The following JAG1 variants were observed in gnomAD, a reference collection of about 807,000 sequenced individuals.
JAG1 encodes jagged canonical Notch ligand 1.
Under a neutral mutation model 148.7 loss-of-function variants are expected in JAG1, and 23 were observed. The observed-to-expected ratio is 0.15, with a 90% CI of 0.11 to 0.22. The LOEUF (loss-of-function observed/expected upper bound fraction) is 0.22. Among genes scored for constraint, JAG1 ranks in the 10% least tolerant of loss-of-function variants. JAG1 has a pLI of 1.00. For synonymous variants in JAG1, 572 were observed against 598.3 expected, an observed-to-expected ratio of 0.96 and a Z score of 0.64; for missense variants, 1,054 against 1,611.2, an observed-to-expected ratio of 0.65 and a Z score of 5.92.
rs763644456 is a variant in JAG1, at chr20:10,648,752, CA to C, written c.1396-31del. On this transcript the variant is annotated intron_variant, in intron 11 of 25. Coordinates refer to ENST00000254958, the MANE Select transcript of JAG1 (RefSeq NM_000214.3). ...AAGAGGAGAAGGGGAGAGAGAGACA[CA>C]TGCTTTTTTTCTATGTATTCCACAA... The C allele has an allele frequency of 2.5e-6, 4 of 1,606,416 alleles. No homozygotes were observed. The South Asian group carries it at 4.4e-5, about 18-fold the overall frequency.
chr20:10,660,932 C>G (rs944482860), intron 3 of JAG1, among the ~76,000 whole-genome samples: 1 of 152,216 alleles, frequency 6.6e-6, no homozygotes, highest in South Asian at 2.1e-4. Context: ...AAGGGCGAGT[C>G]TGAGCATAAC....
intron 3 of JAG1, among the ~76,000 whole-genome samples, chr20:10,661,228 TG>T (rs1165624321): frequency 4.6e-5 from 7 of 152,088 alleles, no homozygotes; most frequent in Non-Finnish European, 1.5e-5. Context: ...AGTCTGCCTG[TG>T]AGGGCTCACT....
chr20:10,644,588 T>TG, intron 18 of JAG1: 1 of 661,174 alleles, frequency 1.5e-6, no homozygotes, highest in Non-Finnish European at 2.7e-6. Context: ...GAAGAGGCCC[T>TG]GGTAGGGGAT....
rs2067509586 is a variant in JAG1, at chr20:10,673,124, AT to A, written c.82-119del. 1.0e-6 allele frequency: 1 copy of A among 973,292 alleles called. No homozygotes were observed. Among genetic ancestry groups the A allele is most frequent in the Non-Finnish European group, 1.6e-6 (1 of 633,010 alleles). The allele number at this position is 973,292 out of a possible 1,614,324, so 60.3% of individuals were successfully genotyped here. ...GAGCCCTCCTCGCCGAGTGAAAATA[AT>A]TTTGCGAAACTACGTTCAAGGACTC... On this transcript the variant is annotated intron_variant, in intron 1 of 25. Transcript: ENST00000254958. The surrounding 1 kb of genome is among the most constrained non-coding windows in gnomAD (Gnocchi z 4.7).
At position 10,639,273 on chromosome 20, in the gene JAG1, C is replaced by G. The variant is rs1039951351; in HGVS notation, c.*225G>C. 1.7e-6 allele frequency: 1 copy of G among 601,694 alleles called. No homozygotes were observed. The highest frequency in any genetic ancestry group is 3.0e-6 in the Non-Finnish European group (1 of 328,368). The allele number at this position is 601,694 out of a possible 1,614,324, so 37.3% of individuals were successfully genotyped here. On this transcript the variant is annotated 3_prime_UTR_variant, in exon 26 of 26. Coordinates refer to ENST00000254958, the MANE Select transcript of JAG1 (RefSeq NM_000214.3). ...ACCGTGTCGGCTGCAAGGGGACACA[C>G]AACCAGGGTACTGTTGACTAGCTTT...
Position 10,641,519 on chromosome 20 carries a change from A to G in JAG1, c.2857T>C (p.Tyr953His), listed in dbSNP as rs746569582. 1.1e-5 allele frequency: 17 copies of G among 1,614,092 alleles called. No individual in the cohort carries two copies. The highest frequency in any genetic ancestry group is 8.5e-7 in the Non-Finnish European group (1 of 1,180,044). The change falls in exon 23 of 26, where the codon TAT becomes CAT. Residue 953 changes from tyrosine to histidine, a missense_variant. By Grantham distance (83) the Tyr-to-His change is moderately conservative. This residue lies in a region of JAG1 where 342 missense variants were observed against 514.6 expected (regional missense o/e 0.66). Transcript: ENST00000254958. ...PVKTKCTSDSYYQDNCANITF... is the reference protein window; with the variant it reads ...PVKTKCTSDSHYQDNCANITF... The stretch of plus-strand genomic sequence containing the variant: ...ATGTTCGCACAGTTATCCTGGTAAT[A>G]GGAGTCAGAGGTGCACTTTGTCTTC...
intron 23 of JAG1, 44 bp downstream of exon 23, chr20:10,641,416 G>A (rs898073243): frequency 2.6e-6 from 4 of 1,550,868 alleles, no homozygotes; most frequent in Non-Finnish European, 3.5e-6. Context: ...AAGCAAGCAA[G>A]CAGACATCCA....
chr20:10,639,554 C>G lies in JAG1; in HGVS notation c.3601G>C (p.Asp1201His). 1 of 1,614,176 alleles carries G rather than the reference C, an allele frequency of 6.2e-7. No homozygotes were observed. Reference sequence around the variant, plus strand: ...TGGGCACTTTCCAAGTCTCTGTTGTCCTGTTTGTTTGTCCAGTTTGGGTGT... The same window carrying G: ...TGGGCACTTTCCAAGTCTCTGTTGTGCTGTTTGTTTGTCCAGTTTGGGTGT... ...TKHPNWTNKQ[D>H]NRDLESAQSL... The change falls in exon 26 of 26, where the codon GAC becomes CAC. Residue 1201 changes from aspartate to histidine, a missense_variant. Asp to His is a moderately conservative substitution (Grantham distance 81, BLOSUM62 -1). This residue lies in a region of JAG1 where 177 missense variants were observed against 177.3 expected (regional missense o/e 1.00). Coordinates refer to ENST00000254958, the MANE Select transcript of JAG1 (RefSeq NM_000214.3).
chr20:10,651,996 G>C, intron 7 of JAG1, 135 bp downstream of exon 7: 1 of 1,027,368 alleles, frequency 9.7e-7, no homozygotes, highest in Non-Finnish European at 1.5e-6. Context: ...AAGGCTTATA[G>C]AATGGTTGGG....
At position 10,649,550 on chromosome 20, in the gene JAG1, G is replaced by C; in HGVS notation, c.1320C>G (p.Pro440=). The C allele has an allele frequency of 6.2e-7, 1 of 1,612,396 alleles. No homozygotes were observed. Among genetic ancestry groups the C allele is most frequent in the Non-Finnish European group, 8.5e-7 (1 of 1,178,432 alleles). ...TGTCACAATTCTGACCCATCCAGCCGGGAAGACAGTCGCAGTAGTAGCTGG... is the reference window on the plus strand; with the variant it reads ...TGTCACAATTCTGACCCATCCAGCCCGGAAGACAGTCGCAGTAGTAGCTGG... The part of the protein sequence containing the change: ...LIASYYCDCL[P]GWMGQNCDIN... The change falls in exon 10 of 26, where the codon CCC becomes CCG. Residue 440 remains proline, a synonymous_variant. Coordinates refer to ENST00000254958, the MANE Select transcript of JAG1 (RefSeq NM_000214.3).
Position 10,641,093 on chromosome 20 carries a change from T to C in JAG1, c.3048+20A>G, listed in dbSNP as rs924322585. 2.5e-6 allele frequency: 4 copies of C among 1,613,982 alleles called. No individual in the cohort carries two copies. The highest frequency in any genetic ancestry group is 1.3e-5 in the African/African-American group (1 of 74,952). ...TGCCTTGCCATCGAATAATGAGGTG[T>C]GAATGGGTCTTATACTTACAATGGC... On this transcript the variant is annotated intron_variant, in intron 24 of 25. Coordinates refer to ENST00000254958, the MANE Select transcript of JAG1 (RefSeq NM_000214.3).
intron 5 of JAG1, among the ~76,000 whole-genome samples, chr20:10,654,767 A>T (rs1052774497): frequency 1.3e-5 from 2 of 152,172 alleles, no homozygotes; most frequent in African/African-American, 4.8e-5. Flanking sequence ...GGGCAGGGAG[A>T]GGGAGGTGGG....
chr20:10,652,657 A>G (rs1447212680), intron 5 of JAG1, 59 bp from the exon 6 acceptor site: 10 of 1,594,266 alleles, frequency 6.3e-6, no homozygotes, highest in Non-Finnish European at 7.7e-6. Flanking sequence ...ACACCTGTAC[A>G]ATTCAAATGG....
Position 10,664,972 on chromosome 20 carries a change from G to A in JAG1, c.388-958C>T, listed in dbSNP as rs112252818. Among the ~76,000 whole-genome samples the A allele has an allele frequency of 6.3e-3, 958 of 152,220 alleles. 11 individuals carry two copies. The highest frequency in any genetic ancestry group is 0.022 in the African/African-American group (915 of 41,532). Reference sequence around the variant, plus strand: ...AAGGTCAGTCTCACAAAACACCAGCGTTTAAATGAAGCTTCTGCTATCTTG... The same window carrying A: ...AAGGTCAGTCTCACAAAACACCAGCATTTAAATGAAGCTTCTGCTATCTTG... On this transcript the variant is annotated intron_variant, in intron 2 of 25. Transcript: ENST00000254958.
intron 4 of JAG1, among the ~76,000 whole-genome samples, chr20:10,657,596 T>C (rs1248594122): frequency 1.3e-5 from 2 of 152,078 alleles, no homozygotes; most frequent in African/African-American, 4.8e-5. Flanking sequence ...ATTGAGTCTA[T>C]CAAAACAATT....
At chr20:10,646,580 C>A (rs73075346) in intron 14 of JAG1, among the ~76,000 whole-genome samples, 1 of 150,558 alleles carries the variant, frequency 6.6e-6, no homozygotes, top group Non-Finnish European at 1.5e-5. Flanking sequence ...AGTTGGGGGT[C>A]GGGGGGTGGA....
At position 10,645,714 on chromosome 20, in the gene JAG1, A is replaced by G. The variant is rs978059742; in HGVS notation, c.2000-245T>C. 2 of 618,210 alleles carry G rather than the reference A, an allele frequency of 3.2e-6. No homozygotes were observed. Among genetic ancestry groups the G allele is most frequent in the Non-Finnish European group, 2.9e-6 (1 of 349,972 alleles). The allele number at this position is 618,210 out of a possible 1,614,324, so 38.3% of individuals were successfully genotyped here. On this transcript the variant is annotated intron_variant, in intron 15 of 25. Coordinates refer to ENST00000254958, the MANE Select transcript of JAG1 (RefSeq NM_000214.3). The surrounding 1 kb of genome is among the most constrained non-coding windows in gnomAD (Gnocchi z 6.1). The stretch of plus-strand genomic sequence containing the variant: ...GAAGTCCCATGGAAATGAAAGTAGA[A>G]ATATGACTTTCCTTGCAAGCAGGAA...
At chr20:10,643,638 G>C in intron 20 of JAG1, 140 bp downstream of exon 20, 1 of 745,382 alleles carries the variant, frequency 1.3e-6, no homozygotes, top group Non-Finnish European at 2.4e-6. Flanking sequence ...CTTAATCCCA[G>C]CTGGAGGAGA....
At chr20:10,647,147 G>C in intron 13 of JAG1, 44 bp from the exon 14 acceptor site, 1 of 1,611,918 alleles carries the variant, frequency 6.2e-7, no homozygotes, top group African/African-American at 1.3e-5. Context: ...TGCACCCACA[G>C]ATGCGGCATT....
Sources: allele counts gnomAD v4.1 joint callset (sites outside exome capture counted in the v4.1 genomes callset), GRCh38; gene constraint gnomAD v4.1.1; regional missense constraint gnomAD v4.1.1; non-coding constraint Gnocchi (gnomAD v3.1); transcripts MANE v1.5; gene names NCBI Gene and HGNC (gene_info 2026-07-23, HGNC 2026-07-21).